EFNA5: variants seen among roughly 807,000 people sequenced by gnomAD.
EFNA5 encodes the protein ephrin A5.
In EFNA5, 5 loss-of-function variants were observed where a neutral mutation model predicts 22.9. The observed-to-expected ratio is 0.22, with a 90% CI of 0.11 to 0.46. EFNA5 has a LOEUF of 0.46. Among genes scored for constraint, EFNA5 ranks in the 20% least tolerant of loss-of-function variants. The pLI is 0.99. For synonymous variants in EFNA5, 113 were observed against 112.2 expected, an observed-to-expected ratio of 1.01 and a Z score of -0.04; for missense variants, 237 against 293.3, an observed-to-expected ratio of 0.81 and a Z score of 1.40.
chr5:107,526,242 A>G (rs1240908955), intron 1 of EFNA5, among the ~76,000 whole-genome samples: 1 of 152,248 alleles, frequency 6.6e-6, no homozygotes, highest in Non-Finnish European at 1.5e-5. Context: ...TAGAATGACA[A>G]CATTGCTTCT....
At position 107,497,371 on chromosome 5, in the gene EFNA5, T is replaced by G. The variant is rs374461163; in HGVS notation, c.126-69862A>C. 2.0e-5 allele frequency among the ~76,000 whole-genome samples: 3 copies of G among 152,132 alleles called. No homozygotes were observed. In the East Asian group the frequency reaches 5.8e-4, roughly 29 times the overall value. On this transcript the variant is annotated intron_variant, in intron 1 of 4. Transcript: ENST00000333274. ...AAAATTACTCCTTTTGCTAACCACA[T>G]CTAGAAGGTAAACGGAGCCTTATAT...
chr5:107,524,738 G>A (rs1052878790), intron 1 of EFNA5, among the ~76,000 whole-genome samples: 6 of 152,146 alleles, frequency 3.9e-5, no homozygotes, highest in Non-Finnish European at 7.3e-5. Flanking sequence ...GGCCTAGAGT[G>A]AACCAGCAGA....
At chr5:107,424,265 G>T (rs1748748896) in intron 2 of EFNA5, among the ~76,000 whole-genome samples, 1 of 136,204 alleles carries the variant, frequency 7.3e-6, no homozygotes, top group Admixed American at 8.1e-5. Flanking sequence ...GGAGTGCAGT[G>T]GCTCAATCTC....
intron 1 of EFNA5, among the ~76,000 whole-genome samples, chr5:107,428,886 A>C (rs1327755903): frequency 6.6e-6 from 1 of 152,180 alleles, no homozygotes; most frequent in Non-Finnish European, 1.5e-5. Context: ...AAAACAAATC[A>C]AATTCCTCTT....
chr5:107,428,794 GA>G (rs1748872350), intron 1 of EFNA5, among the ~76,000 whole-genome samples: 1 of 152,300 alleles, frequency 6.6e-6, no homozygotes, highest in African/African-American at 2.4e-5. Context: ...CTAGATGTTG[GA>G]AAGTTTCTTC....
At chr5:107,457,212 T>C (rs1490173093) in intron 1 of EFNA5, among the ~76,000 whole-genome samples, 1 of 152,194 alleles carries the variant, frequency 6.6e-6, no homozygotes, top group African/African-American at 2.4e-5. Flanking sequence ...CAATGTTTTT[T>C]GCTTTAACAT....
chr5:107,587,158 C>T (rs959208167), intron 1 of EFNA5, among the ~76,000 whole-genome samples: 1 of 152,184 alleles, frequency 6.6e-6, no homozygotes, highest in Non-Finnish European at 1.5e-5. Context: ...CCAAAACCCA[C>T]TTAAATGATT....
At chr5:107,475,297 A>G (rs1406661836) in intron 1 of EFNA5, among the ~76,000 whole-genome samples, 1 of 152,250 alleles carries the variant, frequency 6.6e-6, no homozygotes, top group African/African-American at 2.4e-5. Flanking sequence ...TGAGATGGCT[A>G]ATCATTTCAC....
intron 1 of EFNA5, among the ~76,000 whole-genome samples, chr5:107,580,693 GC>G (rs1451039998): frequency 7.4e-6 from 1 of 134,630 alleles, no homozygotes; most frequent in Non-Finnish European, 1.5e-5. Flanking sequence ...CTACACTCCA[GC>G]CTGGGCAAAA....
At chr5:107,650,451 G>A (rs1046113319) in intron 1 of EFNA5, among the ~76,000 whole-genome samples, 2 of 152,118 alleles carry the variant, frequency 1.3e-5, no homozygotes, top group South Asian at 4.1e-4. Flanking sequence ...TGAAACAAAA[G>A]GAAGGGAAAC....
At chr5:107,639,341 T>C (rs1750453276) in intron 1 of EFNA5, among the ~76,000 whole-genome samples, 1 of 152,234 alleles carries the variant, frequency 6.6e-6, no homozygotes, top group African/African-American at 2.4e-5. Flanking sequence ...CTCAGTGAAG[T>C]GCTTAAGAGC....
chr5:107,660,273 T>TAA (rs1442226766), intron 1 of EFNA5, among the ~76,000 whole-genome samples: 541 of 42,214 alleles, frequency 0.013, 11 homozygotes, highest in Non-Finnish European at 0.019. Context: ...TATATATATA[T>TAA]ATATATATAT....
At chr5:107,631,658 TAC>T (rs1750256461) in intron 1 of EFNA5, among the ~76,000 whole-genome samples, 1 of 152,182 alleles carries the variant, frequency 6.6e-6, no homozygotes, top group Non-Finnish European at 1.5e-5. Context: ...TAAATATTTA[TAC>T]CTTATTAAAT....
intron 1 of EFNA5, among the ~76,000 whole-genome samples, chr5:107,626,854 G>A (rs1750152149): frequency 1.3e-5 from 2 of 152,018 alleles, no homozygotes; most frequent in South Asian, 4.2e-4. Flanking sequence ...TTTCACAGTT[G>A]GTGGTGCCCT....
At chr5:107,590,592 T>G (rs1749300452) in intron 1 of EFNA5, among the ~76,000 whole-genome samples, 2 of 151,930 alleles carry the variant, frequency 1.3e-5, no homozygotes, top group South Asian at 4.2e-4. Flanking sequence ...AGGGTCCTAC[T>G]GTGTTGCCCA....
chr5:107,535,495 GA>G (rs1747912777), intron 1 of EFNA5, among the ~76,000 whole-genome samples: 1 of 151,654 alleles, frequency 6.6e-6, no homozygotes, highest in African/African-American at 2.4e-5. Context: ...TCAAAGAATG[GA>G]AAATAAAACT....
intron 1 of EFNA5, among the ~76,000 whole-genome samples, chr5:107,660,385 G>A (rs1390011059): frequency 1.4e-5 from 2 of 144,506 alleles, no homozygotes; most frequent in Non-Finnish European, 3.0e-5. Context: ...AGCATATGGT[G>A]GGAAAATTTT....
At chr5:107,550,997 A>AT (rs1215217442) in intron 1 of EFNA5, among the ~76,000 whole-genome samples, 1 of 152,250 alleles carries the variant, frequency 6.6e-6, no homozygotes, top group Non-Finnish European at 1.5e-5. Flanking sequence ...AGTACCCTAC[A>AT]TTAATAAGGT....
At chr5:107,512,603 T>A (rs186890178) in intron 1 of EFNA5, among the ~76,000 whole-genome samples, 3 of 152,052 alleles carry the variant, frequency 2.0e-5, no homozygotes, top group African/African-American at 7.2e-5. Context: ...AATAGAGCAA[T>A]GAGATAAAGT....
Sources: gnomAD v4.1 joint callset for allele counts (sites outside exome capture counted in the v4.1 genomes callset) on GRCh38, gnomAD v4.1.1 for gene constraint, MANE v1.5 for transcripts, NCBI Gene and HGNC (gene_info 2026-07-23, HGNC 2026-07-21) for gene names.